Variants in GPR85 observed in about 807,000 individuals in gnomAD.
GPR85 encodes probable G protein-coupled receptor 85.
Under a neutral mutation model 21.3 loss-of-function variants are expected in GPR85, and 7 were observed. The observed-to-expected ratio is 0.33, with a 90% confidence interval of 0.19 to 0.62. The LOEUF is 0.62. GPR85 is among the 20% of genes least tolerant of loss of function. The pLI, the probability that GPR85 is intolerant of heterozygous loss-of-function variation, is 0.80. For synonymous variants in GPR85, 167 were observed against 166.1 expected (o/e 1.01, Z -0.04); for missense variants, 299 against 443.8 (o/e 0.67, Z 2.93).
At position 113,083,411 on chromosome 7, in the gene GPR85, TTGC is replaced by T; in HGVS notation, c.*195_*197del. On this transcript the variant is annotated 3_prime_UTR_variant, in exon 3 of 3. Transcript: ENST00000424100. This position sits in a 1 kb window ranked among gnomAD's most constrained non-coding sequence, Gnocchi z 4.4. ...TCAGTCCCTTCTTAATTACAAACCT[TTGC>T]TGGCAGTCAGCAGGATCACTCTGAG... 1 of 566,670 alleles carries T rather than the reference TTGC, an allele frequency of 1.8e-6. No individual in the cohort carries two copies. The highest frequency in any genetic ancestry group is 3.1e-6 in the Non-Finnish European group (1 of 324,286). The allele number at this position is 566,670 out of a possible 1,614,324, so 35.1% of individuals were successfully genotyped here.
rs1794232791 is a variant in GPR85, at chr7:113,084,888, A to G, written c.-167T>C. 3 of 422,256 alleles carry G rather than the reference A, an allele frequency of 7.1e-6. No homozygotes were observed. Among genetic ancestry groups the G allele is most frequent in the Middle Eastern group, 6.2e-4 (1 of 1,618 alleles). The allele number at this position is 422,256 out of a possible 1,614,324, so 26.2% of individuals were successfully genotyped here. A position where few individuals can be genotyped will look rare whatever the true frequency, so the allele number is the denominator to read the frequency against. On this transcript the variant is annotated 5_prime_UTR_variant, in exon 3 of 3. Coordinates refer to ENST00000424100, the MANE Select transcript of GPR85 (RefSeq NM_001146267.2). ...TTCTTCCACTTGTTTTGCCATCAGAATATCTGAAAAAAAAAAAAAAAAAAA... is the reference window on the plus strand; with the variant it reads ...TTCTTCCACTTGTTTTGCCATCAGAGTATCTGAAAAAAAAAAAAAAAAAAA...
In GPR85 at chr7:113,084,207, C is replaced by T; in HGVS notation, c.515G>A (p.Cys172Tyr). Residue 172 changes from cysteine (C) to tyrosine (Y), a missense_variant, in exon 3 of 3, where the codon TGC (cysteine) becomes TAC (tyrosine). Coordinates refer to ENST00000424100, the MANE Select transcript of GPR85 (RefSeq NM_001146267.2). ...CCTGAAGGAGCGGTGTTGGAAGGTGCATTGATCTTCCTCCCTAATGAATGA... is the reference window on the plus strand; with the variant it reads ...CCTGAAGGAGCGGTGTTGGAAGGTGTATTGATCTTCCTCCCTAATGAATGA... ...TYSFIREEDQ[C>Y]TFQHRSFRAN... 1 of 1,614,008 alleles carries T rather than the reference C, an allele frequency of 6.2e-7. No homozygotes were observed. Among genetic ancestry groups the T allele is most frequent in the South Asian group, 1.1e-5 (1 of 91,078 alleles).
rs1794283693 is a variant in GPR85, at chr7:113,086,396, C to CTTTTTTTTTTTTTTTTTTCTTTT, written c.-364_-363insAAAAGAAAAAAAAAAAAAAAAAA. On this transcript the variant is annotated 5_prime_UTR_variant, in exon 1 of 3. The change abolishes the stop of an existing upstream ORF in the 5' untranslated region. Coordinates refer to ENST00000424100, the MANE Select transcript of GPR85 (RefSeq NM_001146267.2). ...CTGATTTTTTTCTTTTTTTCTTTTT[C>CTTTTTTTTTTTTTTTTTTCTTTT]TTTTTTTTTTTTTTTTTTTTGTTTT... The CTTTTTTTTTTTTTTTTTTCTTTT allele has an allele frequency of 6.2e-5, 3 of 48,066 alleles. No homozygotes were observed. Among genetic ancestry groups the CTTTTTTTTTTTTTTTTTTCTTTT allele is most frequent in the Non-Finnish European group, 1.1e-4 (3 of 28,132 alleles). 3.0% of individuals were successfully genotyped at this position (48,066 alleles called of 1,614,324 possible). A position where few individuals can be genotyped will look rare whatever the true frequency, so the allele number is the denominator to read the frequency against.
At chr7:113,086,191 CACA>C (rs1407197508) in intron 1 of GPR85, 82 bp from the exon 2 acceptor site, 2 of 57,412 alleles carry the variant, frequency 3.5e-5, no homozygotes, top group Non-Finnish European at 7.3e-5. Flanking sequence ...CACACACACA[CACA>C]GAGACACACA....
intron 2 of GPR85, among the ~76,000 whole-genome samples, chr7:113,085,459 T>C (rs1273214445): frequency 6.6e-6 from 1 of 152,186 alleles, no homozygotes; most frequent in Non-Finnish European, 1.5e-5. Flanking sequence ...ATTTAATCAT[T>C]TGTCTTTCCC....
chr7:113,082,876 G>A lies in GPR85; in HGVS notation c.*733C>T, dbSNP rs931931258. 4.6e-5 allele frequency: 7 copies of A among 152,292 alleles called. No homozygotes were observed. Among genetic ancestry groups the A allele is most frequent in the African/African-American group, 1.7e-4 (7 of 41,318 alleles). The allele number at this position is 152,292 out of a possible 1,614,324, so 9.4% of individuals were successfully genotyped here. Reference sequence around the variant, plus strand: ...ATGTTGCCTCCCAGACCAATATCTAGCATTTGTAAAATATAAATGAATTGG... The same window carrying A: ...ATGTTGCCTCCCAGACCAATATCTAACATTTGTAAAATATAAATGAATTGG... On this transcript the variant is annotated 3_prime_UTR_variant, in exon 3 of 3. Transcript: ENST00000424100.
At position 113,084,890 on chromosome 7, in the gene GPR85, A is replaced by G. The variant is rs866214911; in HGVS notation, c.-169T>C. 29 of 377,704 alleles carry G rather than the reference A, an allele frequency of 7.7e-5. No individual in the cohort carries two copies. The highest frequency in any genetic ancestry group is 1.4e-4 in the Admixed American group (3 of 21,538). The allele number at this position is 377,704 out of a possible 1,614,324, so 23.4% of individuals were successfully genotyped here. A position where few individuals can be genotyped will look rare whatever the true frequency, so the allele number is the denominator to read the frequency against. ...CTTCCACTTGTTTTGCCATCAGAAT[A>G]TCTGAAAAAAAAAAAAAAAAAAACC... On this transcript the variant is annotated splice_region_variant and 5_prime_UTR_variant, in exon 3 of 3. Coordinates refer to ENST00000424100, the MANE Select transcript of GPR85 (RefSeq NM_001146267.2).
In GPR85 at chr7:113,083,737, A is replaced by C; in HGVS notation, c.985T>G (p.Phe329Val). The C allele has an allele frequency of 6.2e-7, 1 of 1,614,202 alleles. No homozygotes were observed. Among genetic ancestry groups the C allele is most frequent in the Non-Finnish European group, 8.5e-7 (1 of 1,180,036 alleles). ...GFLTAAVWMS[F>V]AQAGINPFVC... ...AAAGGATTGATTCCTGCTTGGGCAA[A>C]ACTCATCCAGACAGCAGCTGTTAGA... is the stretch of plus-strand genomic sequence containing the variant. Residue 329 changes from phenylalanine to valine, a missense_variant, in exon 3 of 3, where the codon TTT becomes GTT. Transcript: ENST00000424100. The surrounding 1 kb of genome is among the most constrained non-coding windows in gnomAD (Gnocchi z 4.4).
rs1794297017 is a variant in GPR85 at position 113,086,417 on chromosome 7, GTTTTTTGTTTTTTTTTTTTTTT to G, written c.-406_-385del. ...TTTTCTTTTTTTTTTTTTTTTTTTTGTTTTTTGTTTTTTTTTTTTTTTTTTTTGCCTTAGTGCCTTGACTGAG... is the reference window on the plus strand; with the variant it reads ...TTTTCTTTTTTTTTTTTTTTTTTTTGTTTTTGCCTTAGTGCCTTGACTGAG... On this transcript the variant is annotated 5_prime_UTR_variant, in exon 1 of 3. An upstream open reading frame in the 5' UTR loses its in-frame stop. Coordinates refer to ENST00000424100, the MANE Select transcript of GPR85 (RefSeq NM_001146267.2). 1 of 66,632 alleles carries G rather than the reference GTTTTTTGTTTTTTTTTTTTTTT, an allele frequency of 1.5e-5. No individual in the cohort carries two copies. The highest frequency in any genetic ancestry group is 2.6e-5 in the Non-Finnish European group (1 of 38,230). The allele number at this position is 66,632 out of a possible 1,614,324, so 4.1% of individuals were successfully genotyped here.
Position 113,084,410 on chromosome 7 carries a change from G to T in GPR85, c.312C>A (p.Ser104=). The part of the protein sequence containing the change: ...CKVIAFLGVL[S]CFHTAFMLFC... ...AGAGCATGAAAGCAGTGTGGAAACA[G>T]GACAAAACCCCCAGAAAGGCAATCA... is the stretch of plus-strand genomic sequence containing the variant. Residue 104 remains serine (S), a synonymous_variant, in exon 3 of 3, where the codon TCC becomes TCA. Transcript: ENST00000424100. The T allele has an allele frequency of 6.2e-7, 1 of 1,613,832 alleles. No homozygotes were observed. The highest frequency in any genetic ancestry group is 1.6e-4 in the Middle Eastern group (1 of 6,062).
chr7:113,087,437 T>TA (rs1230365164), upstream of GPR85: 1 of 154,384 alleles, frequency 6.5e-6, no homozygotes, highest in Non-Finnish European at 1.5e-5. Context: ...ACGTAAAACT[T>TA]ACACCAGTCC....
At chr7:113,085,589 C>T (rs1794252008) in intron 2 of GPR85, among the ~76,000 whole-genome samples, 2 of 152,168 alleles carry the variant, frequency 1.3e-5, no homozygotes, top group African/African-American at 2.4e-5. Flanking sequence ...CATTTGTAAA[C>T]CTTGGCTGCC....
In GPR85 at chr7:113,082,663, AG is replaced by A; in HGVS notation, c.*945del. The A allele has an allele frequency of 6.5e-6, 1 of 152,680 alleles. No individual in the cohort carries two copies. The highest frequency in any genetic ancestry group is 3.4e-3 in the Middle Eastern group (1 of 294). 9.5% of individuals were successfully genotyped at this position (152,680 alleles called of 1,614,324 possible). On this transcript the variant is annotated 3_prime_UTR_variant, in exon 3 of 3. Transcript: ENST00000424100. ...TAAGTTTCAAACCATGTGAGAAAAAAGGAAAAAGTAATAAATGATCTTCCAT... is the reference window on the plus strand; with the variant it reads ...TAAGTTTCAAACCATGTGAGAAAAAAGAAAAAGTAATAAATGATCTTCCAT...
In GPR85 at chr7:113,086,426, T is replaced by TG. The variant is rs1794298997; in HGVS notation, c.-394_-393insC. 4.0e-5 allele frequency: 4 copies of TG among 99,916 alleles called. 1 individual carries two copies. In the East Asian group the frequency reaches 9.2e-4, roughly 23 times the overall value. 6.2% of individuals were successfully genotyped at this position (99,916 alleles called of 1,614,324 possible). ...TTTTTTTTTTTTTTTTGTTTTTTGT[T>TG]TTTTTTTTTTTTTTTTTTGCCTTAG... On this transcript the variant is annotated 5_prime_UTR_variant, in exon 1 of 3. It introduces an in-frame stop codon into an upstream open reading frame of the 5' UTR. Coordinates refer to ENST00000424100, the MANE Select transcript of GPR85 (RefSeq NM_001146267.2).
rs779677036 is a variant in GPR85 at position 113,084,327 on chromosome 7, C to T, written c.395G>A (p.Arg132Lys). The change falls in exon 3 of 3, where the codon AGG (arginine) becomes AAG (lysine). Residue 132 changes from arginine to lysine, a missense_variant. Physicochemically the swap from Arg to Lys is conservative, Grantham distance 26. This residue lies in a region of GPR85 where 198 missense variants were observed against 335.4 expected (regional missense o/e 0.59). Coordinates refer to ENST00000424100, the MANE Select transcript of GPR85 (RefSeq NM_001146267.2). The stretch of plus-strand genomic sequence containing the variant: ...AGCCAGACACGTCCAAAAGGTCAGC[C>T]TCTTTGTATAGAAGCGGTGATGGGC... ...AIAHHRFYTK[R>K]LTFWTCLAVI... 6.2e-7 allele frequency: 1 copy of T among 1,613,962 alleles called. No individual in the cohort carries two copies. The highest frequency in any genetic ancestry group is 8.5e-7 in the Non-Finnish European group (1 of 1,179,994).
rs148433444 is a variant in GPR85 at position 113,084,586 on chromosome 7, C to A, written c.136G>T (p.Val46Leu). Residue 46 changes from valine (V) to leucine (L), a missense_variant, in exon 3 of 3, where the codon GTG becomes TTG. Val to Leu is a conservative substitution (Grantham distance 32, BLOSUM62 1). Coordinates refer to ENST00000424100, the MANE Select transcript of GPR85 (RefSeq NM_001146267.2). ...GCTCTATGCAAGGTCTTATCTTTCA[C>A]TAGCAAAATGGAGATCAGGAGGTTG... ...VGNLLISILL[V>L]KDKTLHRAPY... 2.5e-6 allele frequency: 4 copies of A among 1,613,812 alleles called. No individual in the cohort carries two copies. The African/African-American group carries it at 5.3e-5, about 22-fold the overall frequency.
At position 113,084,903 on chromosome 7, in the gene GPR85, A is replaced by AC. The variant is rs1482649107; in HGVS notation, c.-170-13_-170-12insG. 5 of 538,910 alleles carry AC rather than the reference A, an allele frequency of 9.3e-6. No individual in the cohort carries two copies. The highest frequency in any genetic ancestry group is 7.7e-5 in the African/African-American group (4 of 51,674). The allele number at this position is 538,910 out of a possible 1,614,324, so 33.4% of individuals were successfully genotyped here. On this transcript the variant is annotated splice_polypyrimidine_tract_variant and intron_variant, in intron 2 of 2. Transcript: ENST00000424100. Reference sequence around the variant, plus strand: ...TGCCATCAGAATATCTGAAAAAAAAAAAAAAAAAAACCTATCAGTTCTTAA... The same window carrying AC: ...TGCCATCAGAATATCTGAAAAAAAAACAAAAAAAAAACCTATCAGTTCTTAA...
In GPR85 at chr7:113,086,396, C is replaced by CTTTTTTTTTTTTTTTTTTCTTTTTTTT. The variant is rs1794283693; in HGVS notation, c.-364_-363insAAAAAAAAGAAAAAAAAAAAAAAAAAA. On this transcript the variant is annotated 5_prime_UTR_variant, in exon 1 of 3. Coordinates refer to ENST00000424100, the MANE Select transcript of GPR85 (RefSeq NM_001146267.2). ...CTGATTTTTTTCTTTTTTTCTTTTT[C>CTTTTTTTTTTTTTTTTTTCTTTTTTTT]TTTTTTTTTTTTTTTTTTTTGTTTT... 1 of 48,066 alleles carries CTTTTTTTTTTTTTTTTTTCTTTTTTTT rather than the reference C, an allele frequency of 2.1e-5. No individual in the cohort carries two copies. Among genetic ancestry groups the CTTTTTTTTTTTTTTTTTTCTTTTTTTT allele is most frequent in the Non-Finnish European group, 3.6e-5 (1 of 28,132 alleles). The allele number at this position is 48,066 out of a possible 1,614,324, so 3.0% of individuals were successfully genotyped here.
rs1562996942 is a variant in GPR85 at position 113,086,436 on chromosome 7, T to G, written c.-403A>C. 14 of 118,992 alleles carry G rather than the reference T, an allele frequency of 1.2e-4. No homozygotes were observed. The highest frequency in any genetic ancestry group is 3.8e-4 in the African/African-American group (12 of 31,856). 7.4% of individuals were successfully genotyped at this position (118,992 alleles called of 1,614,324 possible). ...TTTTTTGTTTTTTGTTTTTTTTTTT[T>G]TTTTTTTTGCCTTAGTGCCTTGACT... On this transcript the variant is annotated 5_prime_UTR_variant, in exon 1 of 3. Transcript: ENST00000424100.
Sources: gnomAD v4.1 joint callset for allele counts (sites outside exome capture counted in the v4.1 genomes callset) on GRCh38, gnomAD v4.1.1 for gene constraint, gnomAD v4.1.1 regional missense constraint, Gnocchi (gnomAD v3.1) non-coding constraint, MANE v1.5 for transcripts, NCBI Gene and HGNC (gene_info 2026-07-23, HGNC 2026-07-21) for gene names.